Variants in DLG2 observed in about 807,000 individuals in gnomAD.
DLG2 encodes the protein disks large homolog 2.
A neutral mutation model predicts 132.5 loss-of-function variants in DLG2; 45 were observed. That is an observed-to-expected ratio of 0.34 (90% CI 0.27 to 0.44). The LOEUF (loss-of-function observed/expected upper bound fraction) is 0.44. DLG2 is among the 20% of genes least tolerant of loss of function. The pLI is 1.00. For synonymous variants in DLG2, 424 were observed against 419.6 expected (o/e 1.01, Z -0.13); for missense variants, 1,045 against 1,196.9 (o/e 0.87, Z 1.87).
intron 6 of DLG2, among the ~76,000 whole-genome samples, chr11:84,947,033 G>T (rs1176416744): frequency 1.3e-5 from 2 of 152,152 alleles, no homozygotes; most frequent in Admixed American, 6.5e-5. Context: ...CCATCACTTT[G>T]CTCTCCCTCT....
intron 19 of DLG2, among the ~76,000 whole-genome samples, chr11:83,582,442 A>G (rs2096996943): frequency 6.6e-6 from 1 of 152,230 alleles, no homozygotes; most frequent in African/African-American, 2.4e-5. Flanking sequence ...CATTTACTGA[A>G]TGCTGATCAT....
intron 8 of DLG2, among the ~76,000 whole-genome samples, chr11:84,199,243 T>C (rs1260534235): frequency 5.9e-5 from 9 of 152,112 alleles, no homozygotes; most frequent in East Asian, 5.8e-4. Flanking sequence ...TACAGTGAGA[T>C]TGAAGTTGAC....
intron 7 of DLG2, among the ~76,000 whole-genome samples, chr11:84,365,626 C>T (rs1311143196): frequency 1.3e-5 from 2 of 151,978 alleles, no homozygotes; most frequent in African/African-American, 4.8e-5. Context: ...TTGGATCTTT[C>T]CTGCTTTCTC....
At chr11:85,614,004 T>G (rs1188731779) in intron 2 of DLG2, among the ~76,000 whole-genome samples, 1 of 152,108 alleles carries the variant, frequency 6.6e-6, no homozygotes, top group Non-Finnish European at 1.5e-5. Context: ...GGTCTGCAGC[T>G]TCACTCCTGA....
chr11:84,087,159 T>C (rs2096998730), intron 10 of DLG2, among the ~76,000 whole-genome samples: 1 of 152,170 alleles, frequency 6.6e-6, no homozygotes, highest in African/African-American at 2.4e-5. Context: ...TTCAGTTCTC[T>C]TGGGTATATG....
At chr11:84,317,130 T>A in intron 7 of DLG2, 2 of 1,612,334 alleles carry the variant, frequency 1.2e-6, no homozygotes, top group African/African-American at 1.3e-5. Flanking sequence ...TGTTGCTTGG[T>A]GAGGTATGCA....
intron 18 of DLG2, among the ~76,000 whole-genome samples, chr11:83,753,811 C>G (rs138982069): frequency 0.028 from 1,836 of 66,608 alleles, 215 homozygotes; most frequent in African/African-American, 0.18. Context: ...TCATATATAT[C>G]ATATATATAT....
At chr11:83,788,885 T>C (rs2040740587) in intron 17 of DLG2, among the ~76,000 whole-genome samples, 1 of 152,250 alleles carries the variant, frequency 6.6e-6, no homozygotes, top group Non-Finnish European at 1.5e-5. Flanking sequence ...TTAATCATAA[T>C]TCTAGTTCCA....
rs149348452 is a variant in DLG2, at chr11:84,778,396, A to G, written c.358-243665T>C. Among the ~76,000 whole-genome samples, 344 of 152,186 alleles carry G rather than the reference A, an allele frequency of 2.3e-3. 2 individuals carry two copies. Among genetic ancestry groups the G allele is most frequent in the African/African-American group, 8.1e-3 (335 of 41,538 alleles). On this transcript the variant is annotated intron_variant, in intron 6 of 27. Coordinates refer to ENST00000376104, the MANE Select transcript of DLG2 (RefSeq NM_001142699.3). ...TAAAATCAGGTAATGTGATTCTCTC[A>G]GTTTTGTTCTTCTTGCTTAAGACGT...
chr11:85,156,877 T>A (rs2077625843), intron 4 of DLG2, among the ~76,000 whole-genome samples: 1 of 152,238 alleles, frequency 6.6e-6, no homozygotes, highest in Non-Finnish European at 1.5e-5. Flanking sequence ...TTCATCTATC[T>A]ATGCATCTCT....
intron 4 of DLG2, among the ~76,000 whole-genome samples, chr11:85,273,219 A>G (rs1387711511): frequency 2.0e-5 from 3 of 152,218 alleles, no homozygotes; most frequent in South Asian, 4.1e-4. Context: ...CTAAAACACC[A>G]AAAGCAATGG....
chr11:85,272,674 T>C (rs1350365218), intron 4 of DLG2, among the ~76,000 whole-genome samples: 2 of 152,104 alleles, frequency 1.3e-5, no homozygotes, highest in Non-Finnish European at 2.9e-5. Flanking sequence ...AAAATGGCCA[T>C]ACTGCCCAAG....
intron 6 of DLG2, among the ~76,000 whole-genome samples, chr11:84,905,393 C>T (rs1018023020): frequency 6.6e-6 from 1 of 152,132 alleles, no homozygotes; most frequent in Non-Finnish European, 1.5e-5. Flanking sequence ...TAAAAGACAG[C>T]CCCCAATAGA....
intron 8 of DLG2, among the ~76,000 whole-genome samples, chr11:84,220,685 A>G (rs1265121537): frequency 6.6e-6 from 1 of 152,054 alleles, no homozygotes; most frequent in Non-Finnish European, 1.5e-5. Context: ...CAGCTACCAA[A>G]TGAGTTTAGG....
intron 6 of DLG2, among the ~76,000 whole-genome samples, chr11:84,901,357 A>T (rs2090859826): frequency 6.6e-6 from 1 of 152,058 alleles, no homozygotes; most frequent in Non-Finnish European, 1.5e-5. Flanking sequence ...TCCGCAATAT[A>T]TCCTGACAAT....
At chr11:83,654,083 G>A (rs2071536101) in intron 18 of DLG2, among the ~76,000 whole-genome samples, 1 of 151,966 alleles carries the variant, frequency 6.6e-6, no homozygotes, top group African/African-American at 2.4e-5. Flanking sequence ...TCTATTCTGT[G>A]GATAAGACTG....
intron 19 of DLG2, among the ~76,000 whole-genome samples, chr11:83,624,608 C>G (rs1372284763): frequency 1.3e-5 from 2 of 152,182 alleles, no homozygotes; most frequent in African/African-American, 4.8e-5. Context: ...AAGGAACTCC[C>G]CTTTGCCTAA....
At chr11:84,113,708 T>C (rs149904992) in intron 9 of DLG2, among the ~76,000 whole-genome samples, 4 of 152,170 alleles carry the variant, frequency 2.6e-5, no homozygotes, top group Non-Finnish European at 5.9e-5. Context: ...AATCAATAAA[T>C]CAGTAATTTT....
rs113501824 is a variant in DLG2 at position 85,617,012 on chromosome 11, C to T, written c.-93+9575G>A. Among the ~76,000 whole-genome samples the T allele has an allele frequency of 4.1e-4, 62 of 152,280 alleles. 1 individual carries two copies. The highest frequency in any genetic ancestry group is 4.9e-4 in the Non-Finnish European group (33 of 68,018). ...CACTCCCATTCCAGGCAGAACCCCA[C>T]CTTAACCCCAGGGAAGTGGGGAAAA... On this transcript the variant is annotated intron_variant, in intron 2 of 27. Coordinates refer to ENST00000376104, the MANE Select transcript of DLG2 (RefSeq NM_001142699.3).
Sources: gnomAD v4.1 joint callset for allele counts (sites outside exome capture counted in the v4.1 genomes callset) on GRCh38, gnomAD v4.1.1 for gene constraint, MANE v1.5 for transcripts, NCBI Gene and HGNC (gene_info 2026-07-23, HGNC 2026-07-21) for gene names.